EIPR1: variants seen among roughly 807,000 people sequenced by gnomAD.
The protein encoded by EIPR1 is EARP and GARP complex-interacting protein 1.
A neutral mutation model predicts 48.1 loss-of-function variants in EIPR1; 25 were observed. The observed-to-expected ratio is 0.52, with a 90% CI of 0.38 to 0.73. The LOEUF is 0.73. Among genes scored for constraint, EIPR1 ranks in the 30% least tolerant of loss-of-function variants. The pLI, the probability that EIPR1 is intolerant of heterozygous loss-of-function variation, is 0.00. For synonymous variants in EIPR1, 204 were observed against 201.9 expected (o/e 1.01, Z -0.09); for missense variants, 415 against 506.2 (o/e 0.82, Z 1.73).
intron 4 of EIPR1, among the ~76,000 whole-genome samples, chr2:3,231,715 CT>C (rs916201520): frequency 1.3e-5 from 2 of 152,142 alleles, no homozygotes; most frequent in African/African-American, 4.8e-5. Flanking sequence ...AATCCTTTTA[CT>C]GTGCTGCTGT....
intron 2 of EIPR1, among the ~76,000 whole-genome samples, chr2:3,347,837 G>T (rs1670449479): frequency 6.6e-6 from 1 of 152,220 alleles, no homozygotes; most frequent in Non-Finnish European, 1.5e-5. Flanking sequence ...TTAGTGACAG[G>T]CTGGAGCCTC....
At chr2:3,248,885 G>C (rs4411728) in intron 4 of EIPR1, among the ~76,000 whole-genome samples, 83,522 of 152,106 alleles carry the variant, frequency 0.55, 23,324 homozygotes, top group East Asian at 0.75. Flanking sequence ...CACAATGATT[G>C]TAAGTTTCCT....
At chr2:3,320,973 T>C (rs1669508941) in intron 3 of EIPR1, among the ~76,000 whole-genome samples, 1 of 152,230 alleles carries the variant, frequency 6.6e-6, no homozygotes, top group African/African-American at 2.4e-5. Flanking sequence ...AATGTTTTCA[T>C]TTCAAAACAT....
rs3749089 is a variant in EIPR1, at chr2:3,197,098, C to T, written c.517-81G>A. On this transcript the variant is annotated intron_variant, in intron 5 of 8. Transcript: ENST00000382125. The stretch of plus-strand genomic sequence containing the variant: ...CTGTTCAGAAAACGCGAGAGGATAT[C>T]GTATACTCAAGGATATTATTGAAAA... The T allele has an allele frequency of 3.8e-4, 560 of 1,459,630 alleles. 3 individuals are homozygous for T. The East Asian group carries it at 1.0e-2, about 26-fold the overall frequency. The allele number at this position is 1,459,630 out of a possible 1,614,324, so 90.4% of individuals were successfully genotyped here. A position where few individuals can be genotyped will look rare whatever the true frequency, so the allele number is the denominator to read the frequency against.
intron 3 of EIPR1, among the ~76,000 whole-genome samples, chr2:3,267,098 AC>A (rs1667513058): frequency 6.6e-6 from 1 of 152,190 alleles, no homozygotes; most frequent in African/African-American, 2.4e-5. Flanking sequence ...CCAAGCAGGG[AC>A]CCGGAAGCTG....
At chr2:3,271,929 T>C (rs1325598387) in intron 3 of EIPR1, among the ~76,000 whole-genome samples, 2 of 152,226 alleles carry the variant, frequency 1.3e-5, no homozygotes, top group Admixed American at 1.3e-4. Flanking sequence ...TGAATATCTG[T>C]TGTTTAGTGT....
chr2:3,204,900 A>G (rs1484697829), intron 5 of EIPR1, among the ~76,000 whole-genome samples: 1 of 152,130 alleles, frequency 6.6e-6, no homozygotes, highest in Non-Finnish European at 1.5e-5. Flanking sequence ...TGCTCACAGC[A>G]GACCCTACTA....
intron 3 of EIPR1, among the ~76,000 whole-genome samples, chr2:3,267,285 C>T (rs2924502): frequency 0.62 from 95,021 of 152,164 alleles, 30,187 homozygotes; most frequent in East Asian, 0.76. Flanking sequence ...AGGGATGCCC[C>T]GGGACATTCC....
intron 2 of EIPR1, among the ~76,000 whole-genome samples, chr2:3,344,636 T>G (rs1201977439): frequency 1.3e-5 from 1 of 75,918 alleles, no homozygotes; most frequent in Non-Finnish European, 2.6e-5. Context: ...TTCTGGTTCT[T>G]TTTTTTTTTT....
chr2:3,253,207 T>C (rs1667054348), intron 4 of EIPR1, among the ~76,000 whole-genome samples: 1 of 152,210 alleles, frequency 6.6e-6, no homozygotes, highest in African/African-American at 2.4e-5. Context: ...AACCAATTGT[T>C]AACCAGAAAA....
chr2:3,377,680 C>G lies in EIPR1; in HGVS notation c.10G>C (p.Asp4His), dbSNP rs1310045222. The G allele has an allele frequency of 1.9e-6, 3 of 1,581,538 alleles. No homozygotes were observed. The highest frequency in any genetic ancestry group is 1.3e-5 in the African/African-American group (1 of 74,174). ...TCCAGCCCGTAGATCACTGGTGCAT[C>G]GTCCTCCATGCTGCGGGGAAGCGAC... Reference protein sequence around the residue: MEDDAPVIYGLEFQ... With the variant: MEDHAPVIYGLEFQ... The change falls in exon 1 of 9, where the codon GAT (aspartate) becomes CAT (histidine). Residue 4 changes from aspartate to histidine, a missense_variant. Asp to His is a moderately conservative substitution (Grantham distance 81, BLOSUM62 -1). Coordinates refer to ENST00000382125, the MANE Select transcript of EIPR1 (RefSeq NM_003310.5).
At chr2:3,252,661 C>G (rs935700333) in intron 4 of EIPR1, among the ~76,000 whole-genome samples, 5 of 152,074 alleles carry the variant, frequency 3.3e-5, no homozygotes, top group African/African-American at 1.2e-4. Context: ...AGCATGGTGA[C>G]TTGAGAGGGA....
rs758202869 is a variant in EIPR1 at position 3,253,349 on chromosome 2, C to T, written c.416+3950G>A. ...CCCTAAAACGTATAAAACCAAGCTG[C>T]GCCCCGACCACCTTGGGCACATGTT... is the stretch of plus-strand genomic sequence containing the variant. On this transcript the variant is annotated intron_variant, in intron 4 of 8. Transcript: ENST00000382125. Among the ~76,000 whole-genome samples the T allele has an allele frequency of 2.6e-5, 4 of 152,282 alleles. No homozygotes were observed. The East Asian group carries it at 5.8e-4, about 22-fold the overall frequency.
chr2:3,202,307 T>C (rs76037690), intron 5 of EIPR1, among the ~76,000 whole-genome samples: 3,182 of 152,262 alleles, frequency 0.021, 49 homozygotes, highest in Non-Finnish European at 0.032. Flanking sequence ...TCCCTTTAGG[T>C]AAACAGAAAA....
intron 8 of EIPR1, among the ~76,000 whole-genome samples, chr2:3,191,454 G>A (rs1664604187): frequency 6.6e-6 from 1 of 152,220 alleles, no homozygotes; most frequent in African/African-American, 2.4e-5. Flanking sequence ...TGCAGAGAGG[G>A]TCTGAAGAAA....
chr2:3,297,147 T>G (rs914726972), intron 3 of EIPR1, among the ~76,000 whole-genome samples: 2 of 152,196 alleles, frequency 1.3e-5, no homozygotes, highest in Admixed American at 1.3e-4. Flanking sequence ...GTGTGGCACA[T>G]GCTAGGAGCT....
At chr2:3,302,619 G>A (rs1257143032) in intron 3 of EIPR1, among the ~76,000 whole-genome samples, 4 of 152,372 alleles carry the variant, frequency 2.6e-5, no homozygotes, top group Middle Eastern at 6.8e-3. Flanking sequence ...GTGACGTGAC[G>A]TCGCGGAACC....
chr2:3,261,779 G>A (rs990468248), intron 3 of EIPR1: 2 of 152,212 alleles, frequency 1.3e-5, no homozygotes, highest in African/African-American at 4.8e-5. Context: ...AGGTCAAATG[G>A]GATTGACATC....
rs775584761 is a variant in EIPR1, at chr2:3,337,994, T to C, written c.259+23A>G. The C allele has an allele frequency of 7.6e-6, 12 of 1,578,902 alleles. No individual in the cohort carries two copies. The Admixed American group carries it at 2.4e-4, about 32-fold the overall frequency. On this transcript the variant is annotated intron_variant, in intron 3 of 8. Transcript: ENST00000382125. Reference sequence around the variant, plus strand: ...CCTCCAGTTACCTCCAGTTAGCAAGTACCTTAGAAAAGCCGCACTTACTTC... The same window carrying C: ...CCTCCAGTTACCTCCAGTTAGCAAGCACCTTAGAAAAGCCGCACTTACTTC...
Sources: allele counts gnomAD v4.1 joint callset (sites outside exome capture counted in the v4.1 genomes callset), GRCh38; gene constraint gnomAD v4.1.1; transcripts MANE v1.5; gene names NCBI Gene and HGNC (gene_info 2026-07-23, HGNC 2026-07-21).